The following KCNQ1 variants were observed in gnomAD, a reference collection of about 807,000 sequenced individuals.
KCNQ1 encodes potassium voltage-gated channel subfamily Q member 1, also known as potassium voltage-gated channel subfamily KQT member 1.
KCNQ1 carries 49 observed loss-of-function variants against 72.4 expected under a neutral mutation model. The observed-to-expected ratio is 0.68, with a 90% CI of 0.54 to 0.86. KCNQ1 has a LOEUF of 0.86. Ranked by LOEUF, KCNQ1 falls within the 40% of genes least tolerant of loss-of-function variation. The pLI, the probability that KCNQ1 is intolerant of heterozygous loss-of-function variation, is 0.00. For synonymous variants in KCNQ1, 450 were observed against 412.6 expected, an observed-to-expected ratio of 1.09 and a Z score of -1.10; for missense variants, 790 against 945.1, an observed-to-expected ratio of 0.84 and a Z score of 2.15.
In KCNQ1 at chr11:2,510,297, A is replaced by T. The variant is rs1023473881; in HGVS notation, c.387-17631A>T. ...CTGTGTCTAAAAAAAAAAAATTTTT[A>T]AATAAATAAATAAAGGTTTGTTGGA... On this transcript the variant is annotated intron_variant, in intron 1 of 15. Coordinates refer to ENST00000155840, the MANE Select transcript of KCNQ1 (RefSeq NM_000218.3). Among the ~76,000 whole-genome samples, 15 of 151,556 alleles carry T rather than the reference A, an allele frequency of 9.9e-5. No individual in the cohort carries two copies. In the East Asian group the frequency reaches 1.4e-3, roughly 14 times the overall value.
At chr11:2,551,755 C>T (rs1004233174) in intron 2 of KCNQ1, among the ~76,000 whole-genome samples, 1 of 152,218 alleles carries the variant, frequency 6.6e-6, no homozygotes, top group African/African-American at 2.4e-5. Context: ...GGATTCTCAC[C>T]AGCACTTAGT....
chr11:2,599,842 C>G lies in KCNQ1; in HGVS notation c.1393+10988C>G, dbSNP rs1848776208. Among the ~76,000 whole-genome samples, 1 of 152,218 alleles carries G rather than the reference C, an allele frequency of 6.6e-6. No homozygotes were observed. The highest frequency in any genetic ancestry group is 1.5e-5 in the Non-Finnish European group (1 of 68,030). ...CCTAACAGCCTCATTGTAGCTTCAT[C>G]ACCTCTTTAAAGGTCCTGTCTCCAA... On this transcript the variant is annotated intron_variant, in intron 10 of 15. Transcript: ENST00000155840. This position sits in a 1 kb window ranked among gnomAD's most constrained non-coding sequence, Gnocchi z 4.7.
At chr11:2,800,988 T>C (rs1847251465) in intron 15 of KCNQ1, among the ~76,000 whole-genome samples, 1 of 152,002 alleles carries the variant, frequency 6.6e-6, no homozygotes, top group Admixed American at 6.5e-5. Flanking sequence ...AGACCAGGTG[T>C]GCCCAGGGTG....
At chr11:2,633,049 C>T (rs544319519) in intron 10 of KCNQ1, 1 of 398,434 alleles carries the variant, frequency 2.5e-6, no homozygotes, top group African/African-American at 2.1e-5. Context: ...GTATTATTTC[C>T]CTTTTCTCTG....
chr11:2,684,456 A>C (rs935258102), intron 11 of KCNQ1: 2 of 398,540 alleles, frequency 5.0e-6, no homozygotes, highest in Non-Finnish European at 8.8e-6. Context: ...TCTTTTGGCA[A>C]AAAGACTATG....
At chr11:2,632,826 A>C (rs748675887) in intron 10 of KCNQ1, 3 of 398,278 alleles carry the variant, frequency 7.5e-6, no homozygotes, top group Non-Finnish European at 1.3e-5. Flanking sequence ...CTGCTGATGG[A>C]GATTTAAGTT....
chr11:2,683,960 C>CT lies in KCNQ1; in HGVS notation c.1514+21893dup, dbSNP rs560196106. The CT allele has an allele frequency of 0.093, 33,226 of 358,112 alleles. 853 individuals are homozygous for CT. The highest frequency in any genetic ancestry group is 0.18 in the Middle Eastern group (266 of 1,440). 22.2% of individuals were successfully genotyped at this position (358,112 alleles called of 1,614,324 possible). On this transcript the variant is annotated intron_variant, in intron 11 of 15. Coordinates refer to ENST00000155840, the MANE Select transcript of KCNQ1 (RefSeq NM_000218.3). The surrounding 1 kb of genome is among the most constrained non-coding windows in gnomAD (Gnocchi z 4.7). Reference sequence around the variant, plus strand: ...AGACAAAACCAGCTGACTGCTTTTACTTTTTTTTTTTTTTCATTTAGAAGA... The same window carrying CT: ...AGACAAAACCAGCTGACTGCTTTTACTTTTTTTTTTTTTTTCATTTAGAAGA...
chr11:2,595,882 C>G lies in KCNQ1; in HGVS notation c.1393+7028C>G, dbSNP rs998284733. Among the ~76,000 whole-genome samples the G allele has an allele frequency of 6.6e-6, 1 of 152,108 alleles. No individual in the cohort carries two copies. The highest frequency in any genetic ancestry group is 2.1e-4 in the South Asian group (1 of 4,820). ...AATTGAAAACATTTTAGAAAATAAT[C>G]ACCATTCTAGATGAAATTAAGAACA... is the stretch of plus-strand genomic sequence containing the variant. On this transcript the variant is annotated intron_variant, in intron 10 of 15. Transcript: ENST00000155840. This position sits in a 1 kb window ranked among gnomAD's most constrained non-coding sequence, Gnocchi z 5.0.
chr11:2,645,630 C>T lies in KCNQ1; in HGVS notation c.1394-16331C>T. ...GGTGACTATGGGCAGGGTCACCTTT[C>T]CTCATGGCAGCCTTGCTTCGGAGGT... On this transcript the variant is annotated intron_variant, in intron 10 of 15. Coordinates refer to ENST00000155840, the MANE Select transcript of KCNQ1 (RefSeq NM_000218.3). This position sits in a 1 kb window ranked among gnomAD's most constrained non-coding sequence, Gnocchi z 5.8. 2.5e-6 allele frequency: 1 copy of T among 398,764 alleles called. No homozygotes were observed. The highest frequency in any genetic ancestry group is 4.4e-6 in the Non-Finnish European group (1 of 226,180). The allele number at this position is 398,764 out of a possible 1,614,324, so 24.7% of individuals were successfully genotyped here.
intron 10 of KCNQ1, chr11:2,629,087 T>C: frequency 2.5e-6 from 1 of 398,186 alleles, no homozygotes; most frequent in Non-Finnish European, 4.4e-6. Flanking sequence ...TTTTGTAGTT[T>C]CTTTCAAATT....
Position 2,450,063 on chromosome 11 carries a change from C to G in KCNQ1, c.386+4579C>G. On this transcript the variant is annotated intron_variant, in intron 1 of 15. Transcript: ENST00000155840. The surrounding 1 kb of genome is among the most constrained non-coding windows in gnomAD (Gnocchi z 7.9). ...AGCCCCTGCTCGGCCCTAGGCAGGG[C>G]CCCCAGTTCCCTGCATTCCACCCGC... Among the ~76,000 whole-genome samples, 1 of 152,176 alleles carries G rather than the reference C, an allele frequency of 6.6e-6. No homozygotes were observed. Among genetic ancestry groups the G allele is most frequent in the East Asian group, 1.9e-4 (1 of 5,186 alleles).
rs143203529 is a variant in KCNQ1, at chr11:2,588,890, C to T, written c.1393+36C>T. 15 of 1,607,786 alleles carry T rather than the reference C, an allele frequency of 9.3e-6. No homozygotes were observed. Among genetic ancestry groups the T allele is most frequent in the East Asian group, 4.5e-5 (2 of 44,832 alleles). On this transcript the variant is annotated intron_variant, in intron 10 of 15. Transcript: ENST00000155840. This position sits in a 1 kb window ranked among gnomAD's most constrained non-coding sequence, Gnocchi z 5.6. ...CTCAGGCAGTTGGGGGCCGCGGGGCCGGGAAGGTCACTGCCTTTTTTGGGA... is the reference window on the plus strand; with the variant it reads ...CTCAGGCAGTTGGGGGCCGCGGGGCTGGGAAGGTCACTGCCTTTTTTGGGA...
At chr11:2,837,830 C>T (rs1039200968) in intron 15 of KCNQ1, among the ~76,000 whole-genome samples, 1 of 152,212 alleles carries the variant, frequency 6.6e-6, no homozygotes, top group Admixed American at 6.5e-5. Context: ...AGGGCGGCGC[C>T]CAGGGGGCCA....
At chr11:2,630,507 G>A in intron 10 of KCNQ1, 3 of 398,186 alleles carry the variant, frequency 7.5e-6, no homozygotes, top group Non-Finnish European at 1.3e-5. Context: ...TATTTTTGAT[G>A]CCCCAAGGTA....
chr11:2,847,167 G>A (rs1011628871), intron 15 of KCNQ1, among the ~76,000 whole-genome samples: 4 of 151,824 alleles, frequency 2.6e-5, no homozygotes, highest in African/African-American at 9.7e-5. Flanking sequence ...GCCCCTCCTG[G>A]AAGTGGCCCA....
intron 15 of KCNQ1, among the ~76,000 whole-genome samples, chr11:2,835,086 G>A (rs1051563747): frequency 3.0e-4 from 46 of 152,140 alleles, no homozygotes; most frequent in African/African-American, 1.0e-3. Flanking sequence ...GTGCAGGCCC[G>A]GGGGCTGGGG....
intron 10 of KCNQ1, among the ~76,000 whole-genome samples, chr11:2,604,961 A>G (rs1485596064): frequency 6.6e-6 from 1 of 152,128 alleles, no homozygotes; most frequent in Non-Finnish European, 1.5e-5. Flanking sequence ...AACACTTGCT[A>G]TTATCTTTTT....
chr11:2,681,584 T>C (rs1850397589), intron 11 of KCNQ1: 1 of 398,446 alleles, frequency 2.5e-6, no homozygotes, highest in East Asian at 3.6e-5. Flanking sequence ...TCAGGAAGTT[T>C]CTAGCTTGCT....
At position 2,564,765 on chromosome 11, in the gene KCNQ1, C is replaced by T. The variant is rs959161620; in HGVS notation, c.478-5863C>T. Among the ~76,000 whole-genome samples the T allele has an allele frequency of 3.9e-5, 6 of 152,200 alleles. No homozygotes were observed. Among genetic ancestry groups the T allele is most frequent in the Non-Finnish European group, 7.3e-5 (5 of 68,036 alleles). ...CTACTCCCCCTTCCCCAGCCCCTGG[C>T]GCCCATCATCTACTTTCTACCTCTG... On this transcript the variant is annotated intron_variant, in intron 2 of 15. Coordinates refer to ENST00000155840, the MANE Select transcript of KCNQ1 (RefSeq NM_000218.3). This position sits in a 1 kb window ranked among gnomAD's most constrained non-coding sequence, Gnocchi z 4.5.
Sources: allele counts gnomAD v4.1 joint callset (sites outside exome capture counted in the v4.1 genomes callset), GRCh38; gene constraint gnomAD v4.1.1; non-coding constraint Gnocchi (gnomAD v3.1); transcripts MANE v1.5; gene names NCBI Gene and HGNC (gene_info 2026-07-23, HGNC 2026-07-21).